The following MBTD1 variants were observed in gnomAD, a reference collection of about 807,000 sequenced individuals.
MBTD1 encodes mbt domain containing 1, also known as MBT domain-containing protein 1.
A neutral mutation model predicts 87.8 loss-of-function variants in MBTD1; 24 were observed. The observed-to-expected ratio is 0.27, with a 90% CI of 0.20 to 0.38. The LOEUF (loss-of-function observed/expected upper bound fraction) is 0.38, where lower values mean the gene tolerates loss of function less well. Ranked by LOEUF, MBTD1 falls within the 10% of genes least tolerant of loss-of-function variation. The pLI is 1.00. For synonymous variants in MBTD1, 237 were observed against 248.6 expected (o/e 0.95, Z 0.44); for missense variants, 436 against 760.2 (o/e 0.57, Z 5.02).
chr17:51,222,112 A>G (rs2052936521), intron 3 of MBTD1, among the ~76,000 whole-genome samples: 1 of 152,242 alleles, frequency 6.6e-6, no homozygotes. Context: ...GAAATTATAC[A>G]TGTCAAACTA....
intron 2 of MBTD1, among the ~76,000 whole-genome samples, chr17:51,248,954 A>G (rs2144161063): frequency 6.6e-6 from 1 of 152,294 alleles, no homozygotes; most frequent in South Asian, 2.1e-4. Context: ...TGTGTTTAAA[A>G]AGAACATACT....
chr17:51,228,769 C>T (rs1323903407), intron 2 of MBTD1, among the ~76,000 whole-genome samples: 3 of 151,674 alleles, frequency 2.0e-5, no homozygotes, highest in South Asian at 4.2e-4. Flanking sequence ...CAGTGGTAGG[C>T]GCCCGTAATC....
chr17:51,197,004 A>G (rs927729051), intron 12 of MBTD1, among the ~76,000 whole-genome samples: 8 of 137,698 alleles, frequency 5.8e-5, no homozygotes, highest in African/African-American at 2.2e-4. Flanking sequence ...AACTCCTTGC[A>G]GTTGATTTTT....
At chr17:51,232,998 G>C (rs2053626127) in intron 2 of MBTD1, among the ~76,000 whole-genome samples, 1 of 143,326 alleles carries the variant, frequency 7.0e-6, no homozygotes, top group African/African-American at 2.6e-5. Context: ...TCTGCAGTGA[G>C]GTGCAATCAC....
chr17:51,219,955 C>T (rs930265108), intron 4 of MBTD1, among the ~76,000 whole-genome samples: 1 of 152,042 alleles, frequency 6.6e-6, no homozygotes, highest in Non-Finnish European at 1.5e-5. Flanking sequence ...AAAATAAAAC[C>T]AGAGATTAAA....
chr17:51,192,665 C>T, intron 15 of MBTD1, 117 bp downstream of exon 15: 1 of 1,521,580 alleles, frequency 6.6e-7, no homozygotes, highest in South Asian at 1.3e-5. Flanking sequence ...TACCTGGCAA[C>T]CAATCAGACA....
At chr17:51,234,163 G>C (rs541850282) in intron 2 of MBTD1, among the ~76,000 whole-genome samples, 1 of 152,140 alleles carries the variant, frequency 6.6e-6, no homozygotes, top group East Asian at 1.9e-4. Flanking sequence ...GCCGAGGTGG[G>C]TGGATCACCT....
intron 1 of MBTD1, 142 bp from the exon 2 acceptor site, chr17:51,259,348 C>T: frequency 1.1e-6 from 1 of 918,936 alleles, no homozygotes; most frequent in South Asian, 5.7e-5. Flanking sequence ...CCCACCCCGC[C>T]CCCTTTCAAT....
intron 2 of MBTD1, among the ~76,000 whole-genome samples, chr17:51,236,396 C>A (rs2053838893): frequency 6.6e-6 from 1 of 152,132 alleles, no homozygotes; most frequent in Non-Finnish European, 1.5e-5. Context: ...CAGGTGTGTG[C>A]CACTATGCCT....
At chr17:51,186,859 G>T (rs1190747245) in intron 16 of MBTD1, among the ~76,000 whole-genome samples, 1 of 151,810 alleles carries the variant, frequency 6.6e-6, no homozygotes, top group Non-Finnish European at 1.5e-5. Context: ...TGCTTGAGAT[G>T]GGATAAAAAC....
At position 51,179,480 on chromosome 17, in the gene MBTD1, AATTTTATAT is replaced by A. The variant is rs1478473472; in HGVS notation, c.*1087_*1095del. 20 of 83,834 alleles carry A rather than the reference AATTTTATAT, an allele frequency of 2.4e-4. No homozygotes were observed. The highest frequency in any genetic ancestry group is 9.9e-4 in the African/African-American group (18 of 18,194). The allele number at this position is 83,834 out of a possible 1,614,324, so 5.2% of individuals were successfully genotyped here. ...ATAAATCCTGAATACAATTAAAGAC[AATTTTATAT>A]ATATATATATATATATATATATATA... On this transcript the variant is annotated 3_prime_UTR_variant, in exon 17 of 17. Transcript: ENST00000586178.
At chr17:51,200,215 C>A (rs2051381558) in intron 12 of MBTD1, among the ~76,000 whole-genome samples, 1 of 152,088 alleles carries the variant, frequency 6.6e-6, no homozygotes, top group African/African-American at 2.4e-5. Context: ...GTAGACTTTC[C>A]TTAGGTGGTT....
chr17:51,203,553 C>T (rs376965230), intron 8 of MBTD1, among the ~76,000 whole-genome samples: 5 of 152,208 alleles, frequency 3.3e-5, no homozygotes, highest in South Asian at 4.1e-4. Context: ...TACAGGCATG[C>T]ACCACCATGC....
At position 51,179,503 on chromosome 17, in the gene MBTD1, T is replaced by TTC. The variant is rs1228188435; in HGVS notation, c.*1072_*1073insGA. On this transcript the variant is annotated 3_prime_UTR_variant, in exon 17 of 17. Transcript: ENST00000586178. ...ACAATTTTATATATATATATATATATATATATATATATATATATATATATA... is the reference window on the plus strand; with the variant it reads ...ACAATTTTATATATATATATATATATTCATATATATATATATATATATATATA... The TTC allele has an allele frequency of 1.1e-3, 85 of 79,492 alleles. 3 individuals carry two copies. Among genetic ancestry groups the TTC allele is most frequent in the African/African-American group, 3.9e-3 (78 of 19,866 alleles). The allele number at this position is 79,492 out of a possible 1,614,324, so 4.9% of individuals were successfully genotyped here. A position where few individuals can be genotyped will look rare whatever the true frequency, so the allele number is the denominator to read the frequency against.
chr17:51,209,973 G>A (rs1446253989), intron 6 of MBTD1, among the ~76,000 whole-genome samples: 1 of 152,100 alleles, frequency 6.6e-6, no homozygotes, highest in Non-Finnish European at 1.5e-5. Flanking sequence ...AAAAAGAAAA[G>A]AAAAACTGTT....
chr17:51,248,815 C>T (rs2054604100), intron 2 of MBTD1, among the ~76,000 whole-genome samples: 1 of 152,190 alleles, frequency 6.6e-6, no homozygotes, highest in Non-Finnish European at 1.5e-5. Context: ...TCTGTGAATA[C>T]ATAATACAAG....
chr17:51,192,000 G>A (rs1340871197), intron 16 of MBTD1: 2 of 574,718 alleles, frequency 3.5e-6, no homozygotes, highest in South Asian at 2.2e-5. Context: ...AAATACTGTG[G>A]TAATAATTTC....
At chr17:51,228,607 CAA>C (rs5820846) in intron 2 of MBTD1, among the ~76,000 whole-genome samples, 70,817 of 137,592 alleles carry the variant, frequency 0.51, 17,248 homozygotes, top group East Asian at 0.63. Flanking sequence ...ATAAAAAGGA[CAA>C]AAAAAAAAAA....
Position 51,210,795 on chromosome 17 carries a change from ACAACAT to A in MBTD1, c.487-3796_487-3791del, listed in dbSNP as rs1168178530. Reference sequence around the variant, plus strand: ...AACAACAACAACAACAACAACAACAACAACATGCATAAAACAGTCCATAATTTTTTT... The same window carrying A: ...AACAACAACAACAACAACAACAACAAGCATAAAACAGTCCATAATTTTTTT... On this transcript the variant is annotated intron_variant, in intron 6 of 16. Transcript: ENST00000586178. Among the ~76,000 whole-genome samples the A allele has an allele frequency of 2.2e-5, 3 of 133,360 alleles. No individual in the cohort carries two copies. In the Admixed American group the frequency reaches 2.3e-4, roughly 10 times the overall value. The allele number at this position is 133,360 out of a possible 152,430, so 87.5% of individuals were successfully genotyped here.
Sources: gnomAD v4.1 joint callset for allele counts (sites outside exome capture counted in the v4.1 genomes callset) on GRCh38, gnomAD v4.1.1 for gene constraint, MANE v1.5 for transcripts, NCBI Gene and HGNC (gene_info 2026-07-23, HGNC 2026-07-21) for gene names.